Variants in NFIB observed in about 807,000 individuals in gnomAD.
The protein encoded by NFIB is nuclear factor I B, also known as nuclear factor 1 B-type.
A neutral mutation model predicts 61.5 loss-of-function variants in NFIB; 11 were observed. The ratio of observed to expected loss-of-function variants is 0.18; its 90% CI spans 0.11 to 0.30. NFIB has a LOEUF of 0.30. Among genes scored for constraint, NFIB ranks in the 10% least tolerant of loss-of-function variants. The pLI, the probability that NFIB is intolerant of heterozygous loss-of-function variation, is 1.00. For synonymous variants in NFIB, 260 were observed against 216.5 expected, an observed-to-expected ratio of 1.20 and a Z score of -1.76; for missense variants, 471 against 608.9, an observed-to-expected ratio of 0.77 and a Z score of 2.38.
intron 2 of NFIB, among the ~76,000 whole-genome samples, chr9:14,245,872 C>T (rs2054866995): frequency 6.6e-6 from 1 of 151,508 alleles, no homozygotes; most frequent in South Asian, 2.1e-4. Flanking sequence ...GACTCTGTCT[C>T]GAAAAATGAT....
the NFIB span, among the ~76,000 whole-genome samples, chr9:14,472,310 C>A: frequency 3.9e-5 from 6 of 152,178 alleles, no homozygotes; most frequent in African/African-American, 1.2e-4. Context: ...CGACCTCTAG[C>A]CTGGTGCTAC....
intron 2 of NFIB, among the ~76,000 whole-genome samples, chr9:14,192,800 C>G (rs2048092332): frequency 1.3e-5 from 2 of 152,242 alleles, no homozygotes; most frequent in East Asian, 1.9e-4. Flanking sequence ...AGCTTTTCAT[C>G]TATTCTAACA....
At chr9:14,157,616 T>C (rs561985680) in intron 3 of NFIB, among the ~76,000 whole-genome samples, 2 of 152,304 alleles carry the variant, frequency 1.3e-5, no homozygotes, top group African/African-American at 4.8e-5. Context: ...GTTAAATTCA[T>C]TTCAGTAATT....
intron 3 of NFIB, among the ~76,000 whole-genome samples, chr9:14,175,269 G>A (rs1587323907): frequency 7.3e-6 from 1 of 137,788 alleles, no homozygotes; most frequent in Non-Finnish European, 1.5e-5. Flanking sequence ...CGCCTCCCAG[G>A]TTCACGCCAC....
the NFIB span, among the ~76,000 whole-genome samples, chr9:14,516,202 G>T: frequency 6.6e-5 from 10 of 152,190 alleles, no homozygotes; most frequent in African/African-American, 2.4e-4. Flanking sequence ...GACTGGCCCT[G>T]GAAATTGCAA....
chr9:14,314,744 T>A (rs1476612502), upstream of NFIB, among the ~76,000 whole-genome samples: 1 of 54,048 alleles, frequency 1.9e-5, no homozygotes, highest in African/African-American at 7.6e-5. Context: ...TCCCCCCACC[T>A]CTCCCTCATT....
chr9:14,172,021 G>C (rs892965391), intron 3 of NFIB, among the ~76,000 whole-genome samples: 2 of 152,124 alleles, frequency 1.3e-5, no homozygotes, highest in Admixed American at 1.3e-4. Flanking sequence ...GTTTTCAGAG[G>C]CACGGGCAAA....
At chr9:14,323,561 A>G (rs886200733) in intron 1 of NFIB, among the ~76,000 whole-genome samples, 2 of 152,238 alleles carry the variant, frequency 1.3e-5, no homozygotes, top group African/African-American at 4.8e-5. Flanking sequence ...AGAGATCCTG[A>G]CTAATTATGT....
intron 2 of NFIB, among the ~76,000 whole-genome samples, chr9:14,202,156 A>G (rs2049110927): frequency 6.6e-6 from 1 of 151,874 alleles, no homozygotes; most frequent in Non-Finnish European, 1.5e-5. Flanking sequence ...ACACACACAC[A>G]CACACACAAA....
intron 2 of NFIB, among the ~76,000 whole-genome samples, chr9:14,206,321 T>C (rs1408655298): frequency 6.6e-6 from 1 of 151,872 alleles, no homozygotes; most frequent in African/African-American, 2.4e-5. Flanking sequence ...GGACCACAGA[T>C]GCACCTGGCT....
intron 2 of NFIB, among the ~76,000 whole-genome samples, chr9:14,304,779 C>G (rs891588238): frequency 2.2e-4 from 33 of 152,190 alleles, no homozygotes; most frequent in African/African-American, 7.7e-4. Flanking sequence ...CTCTAACTGA[C>G]CGGAGAATTA....
intron 2 of NFIB, among the ~76,000 whole-genome samples, chr9:14,252,169 T>G (rs1465366834): frequency 3.3e-5 from 5 of 152,194 alleles, no homozygotes; most frequent in Non-Finnish European, 7.3e-5. Flanking sequence ...TTTTTAATCT[T>G]TCTTCCTCCA....
intron 2 of NFIB, among the ~76,000 whole-genome samples, chr9:14,295,368 G>C (rs1221088290): frequency 6.6e-6 from 1 of 152,258 alleles, no homozygotes; most frequent in East Asian, 1.9e-4. Context: ...GCTCATGCCT[G>C]TAATCCCAGC....
At chr9:14,089,465 A>G (rs936488791) in intron 10 of NFIB, among the ~76,000 whole-genome samples, 5 of 152,152 alleles carry the variant, frequency 3.3e-5, no homozygotes, top group African/African-American at 4.8e-5. Flanking sequence ...TCAGATCTAC[A>G]TATCATGAAA....
chr9:14,394,773 C>T (rs1341586242), intron 1 of NFIB, among the ~76,000 whole-genome samples: 1 of 152,160 alleles, frequency 6.6e-6, no homozygotes, highest in Non-Finnish European at 1.5e-5. Context: ...TCTGACATTT[C>T]CTAACTGTGA....
intron 2 of NFIB, among the ~76,000 whole-genome samples, chr9:14,215,775 T>C (rs1181098989): frequency 1.3e-5 from 2 of 152,240 alleles, no homozygotes; most frequent in Non-Finnish European, 2.9e-5. Flanking sequence ...ACATTACTTT[T>C]GTTATCAAAG....
chr9:14,199,997 A>T (rs1301101877), intron 2 of NFIB, among the ~76,000 whole-genome samples: 11 of 152,172 alleles, frequency 7.2e-5, no homozygotes. Context: ...GGATTGTCCA[A>T]ATAAACTGTT....
At chr9:14,502,559 C>T in the NFIB span, among the ~76,000 whole-genome samples, 1 of 152,152 alleles carries the variant, frequency 6.6e-6, no homozygotes, top group Non-Finnish European at 1.5e-5. Flanking sequence ...TAAATGGGTA[C>T]GTAAGTCATC....
At position 14,220,402 on chromosome 9, in the gene NFIB, A is replaced by G. The variant is rs866112224; in HGVS notation, c.563-40622T>C. Among the ~76,000 whole-genome samples, 5 of 152,298 alleles carry G rather than the reference A, an allele frequency of 3.3e-5. No homozygotes were observed. In the South Asian group the frequency reaches 1.0e-3, roughly 32 times the overall value. Reference sequence around the variant, plus strand: ...GAGAGATGCTTTGAATTCTGCTTCCATGTATTGTACTAGGGGAAAGACATG... The same window carrying G: ...GAGAGATGCTTTGAATTCTGCTTCCGTGTATTGTACTAGGGGAAAGACATG... On this transcript the variant is annotated intron_variant, in intron 2 of 10. Transcript: ENST00000380953.
Sources: allele counts gnomAD v4.1 joint callset (sites outside exome capture counted in the v4.1 genomes callset), GRCh38; gene constraint gnomAD v4.1.1; transcripts MANE v1.5; gene names NCBI Gene and HGNC (gene_info 2026-07-23, HGNC 2026-07-21).